Variants in PPP1R16B observed in about 807,000 individuals in gnomAD.
The protein encoded by PPP1R16B is protein phosphatase 1 regulatory inhibitor subunit 16B.
In PPP1R16B, 14 loss-of-function variants were observed where a neutral mutation model predicts 61.7. The ratio of observed to expected loss-of-function variants is 0.23; its 90% confidence interval spans 0.15 to 0.35. The LOEUF is 0.35. PPP1R16B is among the 10% of genes least tolerant of loss of function. The pLI, the probability that PPP1R16B is intolerant of heterozygous loss-of-function variation, is 1.00. For synonymous variants in PPP1R16B, 266 were observed against 305.3 expected, an observed-to-expected ratio of 0.87 and a Z score of 1.34; for missense variants, 547 against 752.5, an observed-to-expected ratio of 0.73 and a Z score of 3.19.
intron 2 of PPP1R16B, among the ~76,000 whole-genome samples, chr20:38,883,296 G>T (rs1004129224): frequency 6.6e-6 from 1 of 152,248 alleles, no homozygotes; most frequent in Non-Finnish European, 1.5e-5. Context: ...TAACCATCTC[G>T]AGGTCAGGAA....
At chr20:38,810,395 G>A (rs893202211) in intron 1 of PPP1R16B, among the ~76,000 whole-genome samples, 3 of 152,188 alleles carry the variant, frequency 2.0e-5, no homozygotes, top group Admixed American at 6.5e-5. Context: ...TTGGAGGGTG[G>A]TTCTCTAGTG....
At chr20:38,903,555 ATCCATCCATCCGTCCGTCCGTCCG>A (rs1233721984) in intron 6 of PPP1R16B, among the ~76,000 whole-genome samples, 4 of 119,038 alleles carry the variant, frequency 3.4e-5, no homozygotes, top group East Asian at 3.8e-4. Flanking sequence ...CCATCCATCC[ATCCATCCATCCGTCCGTCCGTCCG>A]TCCATCCATC....
chr20:38,917,645 C>T (rs1486606540), intron 10 of PPP1R16B, among the ~76,000 whole-genome samples: 3 of 152,164 alleles, frequency 2.0e-5, no homozygotes, highest in African/African-American at 7.2e-5. Context: ...AATTTATTGG[C>T]TTGTGCAACT....
At chr20:38,885,036 CAAAAAAA>C (rs71330453) in intron 2 of PPP1R16B, among the ~76,000 whole-genome samples, 2 of 67,824 alleles carry the variant, frequency 2.9e-5, no homozygotes, top group Non-Finnish European at 5.1e-5. Flanking sequence ...AACTCTGTCT[CAAAAAAA>C]AAAAAAAAAA....
chr20:38,883,646 G>A (rs1156757821), intron 2 of PPP1R16B, among the ~76,000 whole-genome samples: 5 of 152,224 alleles, frequency 3.3e-5, no homozygotes, highest in African/African-American at 7.2e-5. Flanking sequence ...CTGTGAACCA[G>A]CATATGCTCA....
chr20:38,840,856 A>C (rs1027002988), intron 2 of PPP1R16B, among the ~76,000 whole-genome samples: 3 of 152,196 alleles, frequency 2.0e-5, no homozygotes, highest in African/African-American at 7.2e-5. Flanking sequence ...ATGATGATGT[A>C]CCCGCTTCAT....
intron 1 of PPP1R16B, among the ~76,000 whole-genome samples, chr20:38,812,151 GCT>G (rs1244901224): frequency 6.6e-6 from 1 of 152,206 alleles, no homozygotes; most frequent in Non-Finnish European, 1.5e-5. Flanking sequence ...TTCAGACCGA[GCT>G]CTCTGTTTTC....
chr20:38,886,219 C>G (rs549935558), intron 2 of PPP1R16B, among the ~76,000 whole-genome samples: 77 of 152,360 alleles, frequency 5.1e-4, no homozygotes, highest in African/African-American at 1.8e-3. Context: ...GGAAGTAGCA[C>G]TGCTGAGGCA....
rs1035476823 is a variant in PPP1R16B, at chr20:38,806,210, C to T, written c.-102+418C>T. Among the ~76,000 whole-genome samples, 3 of 152,102 alleles carry T rather than the reference C, an allele frequency of 2.0e-5. No individual in the cohort carries two copies. The highest frequency in any genetic ancestry group is 7.2e-5 in the African/African-American group (3 of 41,424). ...ACAGCGGACACCAAACAACCCCCCC[C>T]CGCGCACTCTCCCGGCCGGGCATGG... is the stretch of plus-strand genomic sequence containing the variant. On this transcript the variant is annotated intron_variant, in intron 1 of 10. Coordinates refer to ENST00000299824, the MANE Select transcript of PPP1R16B (RefSeq NM_015568.4). The surrounding 1 kb of genome is among the most constrained non-coding windows in gnomAD (Gnocchi z 4.5).
At position 38,906,025 on chromosome 20, in the gene PPP1R16B, T is replaced by C. The variant is rs761420718; in HGVS notation, c.753T>C (p.His251=). Residue 251 remains histidine (H), a synonymous_variant, in exon 7 of 11, where the codon CAT becomes CAC. Transcript: ENST00000299824. ...GGGCAGCTGAGCTCCTCCTGGACCA[T>C]GGAGTGCGTGTGGATGTGAAGGACT... ...YLRAAELLLD[H]GVRVDVKDWD... 9 of 1,613,484 alleles carry C rather than the reference T, an allele frequency of 5.6e-6. No individual in the cohort carries two copies. Among genetic ancestry groups the C allele is most frequent in the South Asian group, 2.2e-5 (2 of 91,062 alleles).
At chr20:38,849,286 C>T (rs1054678034) in intron 2 of PPP1R16B, among the ~76,000 whole-genome samples, 4 of 152,278 alleles carry the variant, frequency 2.6e-5, no homozygotes, top group African/African-American at 9.6e-5. Context: ...ACATTATTTG[C>T]AGATGATAAG....
At chr20:38,904,007 C>T (rs901250523) in intron 6 of PPP1R16B, among the ~76,000 whole-genome samples, 2 of 152,166 alleles carry the variant, frequency 1.3e-5, no homozygotes, top group Non-Finnish European at 2.9e-5. Flanking sequence ...CTCAGCAGTA[C>T]CAGATATCCT....
At chr20:38,855,357 T>TA (rs559549101) in intron 2 of PPP1R16B, among the ~76,000 whole-genome samples, 4,357 of 141,806 alleles carry the variant, frequency 0.031, 86 homozygotes, top group Admixed American at 0.076. Context: ...CCCTTGTTAT[T>TA]AAAAAAAAAA....
intron 4 of PPP1R16B, among the ~76,000 whole-genome samples, chr20:38,896,183 CTCCCTTCCTTCTTTCT>C (rs1415736643): frequency 8.3e-6 from 1 of 120,784 alleles, no homozygotes; most frequent in Non-Finnish European, 1.7e-5. Flanking sequence ...TCTTTCTTCC[CTCCCTTCCTTCTTTCT>C]TCCCTCCCTC....
intron 2 of PPP1R16B, among the ~76,000 whole-genome samples, chr20:38,884,578 G>A (rs533047368): frequency 1.6e-4 from 25 of 152,192 alleles, no homozygotes; most frequent in Non-Finnish European, 3.2e-4. Context: ...GCCAGATTTG[G>A]CTCACAGGCC....
chr20:38,844,307 T>C (rs2084924999), intron 2 of PPP1R16B, among the ~76,000 whole-genome samples: 1 of 152,244 alleles, frequency 6.6e-6, no homozygotes, highest in Non-Finnish European at 1.5e-5. Context: ...TTTTCTAAAA[T>C]TTGGATTTTT....
At chr20:38,865,543 G>A (rs994482742) in intron 2 of PPP1R16B, among the ~76,000 whole-genome samples, 2 of 152,002 alleles carry the variant, frequency 1.3e-5, no homozygotes, top group East Asian at 1.9e-4. Flanking sequence ...CGCCTGCCTC[G>A]GCCTCCTAAA....
Position 38,919,985 on chromosome 20 carries a change from T to A in PPP1R16B, c.*1319T>A, listed in dbSNP as rs2085579567. 6.6e-6 allele frequency: 1 copy of A among 152,264 alleles called. No individual in the cohort carries two copies. The highest frequency in any genetic ancestry group is 2.4e-5 in the African/African-American group (1 of 41,452). 9.4% of individuals were successfully genotyped at this position (152,264 alleles called of 1,614,324 possible). On this transcript the variant is annotated 3_prime_UTR_variant, in exon 11 of 11. Transcript: ENST00000299824. ...TTGAGTTCCCGCCTCACCCAGGGGC[T>A]CCCAGCCTGCACTTGCAGGAGTGGT... is the stretch of plus-strand genomic sequence containing the variant.
intron 1 of PPP1R16B, among the ~76,000 whole-genome samples, chr20:38,820,831 G>A (rs1032802898): frequency 1.3e-5 from 2 of 151,784 alleles, no homozygotes; most frequent in South Asian, 2.1e-4. Flanking sequence ...AGGAGATCGA[G>A]ACCATCCTGG....
Sources: gnomAD v4.1 joint callset for allele counts (sites outside exome capture counted in the v4.1 genomes callset) on GRCh38, gnomAD v4.1.1 for gene constraint, Gnocchi (gnomAD v3.1) non-coding constraint, MANE v1.5 for transcripts, NCBI Gene and HGNC (gene_info 2026-07-23, HGNC 2026-07-21) for gene names.